IMMP2L: variants seen among roughly 807,000 people sequenced by gnomAD.
IMMP2L encodes mitochondrial inner membrane protease subunit 2.
A neutral mutation model predicts 19.3 loss-of-function variants in IMMP2L; 18 were observed. The ratio of observed to expected loss-of-function variants is 0.93; its 90% CI spans 0.64 to 1.38. IMMP2L has a LOEUF of 1.38. Among genes scored for constraint, IMMP2L ranks in the 40% most tolerant of loss-of-function variants. IMMP2L has a pLI of 0.00. For synonymous variants in IMMP2L, 76 were observed against 73.0 expected, an observed-to-expected ratio of 1.04 and a Z score of -0.21; for missense variants, 233 against 218.2, an observed-to-expected ratio of 1.07 and a Z score of -0.43.
At chr7:111,543,013 G>C (rs778978523) in intron 1 of IMMP2L, among the ~76,000 whole-genome samples, 4 of 152,030 alleles carry the variant, frequency 2.6e-5, no homozygotes, top group African/African-American at 4.8e-5. Flanking sequence ...CACTCGACTA[G>C]AAACTAAAGC....
chr7:111,189,419 G>T (rs557151406), intron 3 of IMMP2L, among the ~76,000 whole-genome samples: 1 of 149,746 alleles, frequency 6.7e-6, no homozygotes, highest in Non-Finnish European at 1.5e-5. Context: ...AAAGAAATTA[G>T]CTTGACATTA....
intron 1 of IMMP2L, among the ~76,000 whole-genome samples, chr7:111,540,563 G>A (rs1470235951): frequency 6.6e-6 from 1 of 152,020 alleles, no homozygotes; most frequent in Non-Finnish European, 1.5e-5. Context: ...AACCCACAAG[G>A]CCCTCTTCCA....
At chr7:110,810,465 T>C (rs1314500421) in intron 5 of IMMP2L, among the ~76,000 whole-genome samples, 2 of 152,070 alleles carry the variant, frequency 1.3e-5, no homozygotes, top group Non-Finnish European at 2.9e-5. Flanking sequence ...ATGTCAGTTA[T>C]TAAACAGCCT....
Position 111,487,318 on chromosome 7 carries a change from G to T in IMMP2L, c.159C>A (p.Ser53Arg), listed in dbSNP as rs1297813750. 4 of 1,605,946 alleles carry T rather than the reference G, an allele frequency of 2.5e-6. No individual in the cohort carries two copies. The East Asian group carries it at 8.9e-5, about 36-fold the overall frequency. Residue 53 changes from serine to arginine, a missense_variant, in exon 3 of 6, where the codon AGC (serine) becomes AGA (arginine). Transcript: ENST00000405709. The part of the protein sequence containing the change: ...SMQPSLNPGG[S>R]QSSDVVLLNH... ...TCAAAAGCACCACATCAGATGACTGGCTCCCCCCAGGATTCAAAGAAGGCT... is the reference window on the plus strand; with the variant it reads ...TCAAAAGCACCACATCAGATGACTGTCTCCCCCCAGGATTCAAAGAAGGCT...
intron 3 of IMMP2L, among the ~76,000 whole-genome samples, chr7:111,147,683 T>C (rs1318511026): frequency 6.6e-6 from 1 of 152,092 alleles, no homozygotes; most frequent in African/African-American, 2.4e-5. Context: ...TAGCCCTCCA[T>C]AGACAGACTG....
intron 4 of IMMP2L, among the ~76,000 whole-genome samples, chr7:110,916,455 T>C (rs1292060091): frequency 6.6e-6 from 1 of 152,208 alleles, no homozygotes; most frequent in Non-Finnish European, 1.5e-5. Flanking sequence ...TACTATTATA[T>C]AAAAGTGGTG....
chr7:110,923,012 C>G (rs1814464599), intron 4 of IMMP2L, among the ~76,000 whole-genome samples: 1 of 152,148 alleles, frequency 6.6e-6, no homozygotes, highest in South Asian at 2.1e-4. Context: ...TGTAAAGAAA[C>G]AAGCCTATGG....
chr7:111,360,149 T>A (rs1829122985), intron 3 of IMMP2L, among the ~76,000 whole-genome samples: 1 of 150,280 alleles, frequency 6.7e-6, no homozygotes. Flanking sequence ...CATAATGTCA[T>A]TACAAATCCA....
At chr7:111,033,206 A>C (rs1218257241) in intron 3 of IMMP2L, among the ~76,000 whole-genome samples, 2 of 152,234 alleles carry the variant, frequency 1.3e-5, no homozygotes, top group Non-Finnish European at 2.9e-5. Context: ...AAATGAATAC[A>C]TATGACAAGT....
At chr7:110,725,041 T>C (rs1795803953) in intron 5 of IMMP2L, among the ~76,000 whole-genome samples, 1 of 152,186 alleles carries the variant, frequency 6.6e-6, no homozygotes, top group African/African-American at 2.4e-5. Flanking sequence ...GATAGACAGA[T>C]AAAATGAAGC....
intron 3 of IMMP2L, among the ~76,000 whole-genome samples, chr7:111,444,433 C>G (rs1369369488): frequency 6.6e-6 from 1 of 152,050 alleles, no homozygotes; most frequent in Non-Finnish European, 1.5e-5. Context: ...CCATAATTTT[C>G]TTATCTATAA....
intron 3 of IMMP2L, among the ~76,000 whole-genome samples, chr7:111,382,505 TC>T (rs1446592811): frequency 3.9e-5 from 6 of 152,012 alleles, no homozygotes; most frequent in Non-Finnish European, 4.4e-5. Context: ...AACAACTGTT[TC>T]TAAAATCTTA....
In IMMP2L at chr7:110,712,068, TGGA is replaced by T. The variant is rs1252494488; in HGVS notation, c.409-48350_409-48348del. On this transcript the variant is annotated intron_variant, in intron 5 of 5. Transcript: ENST00000405709. ...TTGCTGGTGAGGAACTGCGTTCCTT[TGGA>T]GGAGGAGAGGCGCTCTGCGTTTTAG... is the stretch of plus-strand genomic sequence containing the variant. Among the ~76,000 whole-genome samples, 2 of 46,966 alleles carry T rather than the reference TGGA, an allele frequency of 4.3e-5. 1 individual carries two copies. The highest frequency in any genetic ancestry group is 1.2e-4 in the African/African-American group (2 of 16,430). The allele number at this position is 46,966 out of a possible 152,430, so 30.8% of individuals were successfully genotyped here. A position where few individuals can be genotyped will look rare whatever the true frequency, so the allele number is the denominator to read the frequency against.
chr7:111,208,577 G>A (rs1810970226), intron 3 of IMMP2L, among the ~76,000 whole-genome samples: 1 of 152,128 alleles, frequency 6.6e-6, no homozygotes. Flanking sequence ...ACAAAGGATG[G>A]AGAAGAACTA....
chr7:111,044,864 T>G (rs1278270595), intron 3 of IMMP2L, among the ~76,000 whole-genome samples: 1 of 152,178 alleles, frequency 6.6e-6, no homozygotes, highest in Non-Finnish European at 1.5e-5. Context: ...AGTTGACAAC[T>G]CTGGAGACTA....
At chr7:110,965,996 A>T (rs902020467) in intron 3 of IMMP2L, among the ~76,000 whole-genome samples, 1 of 152,026 alleles carries the variant, frequency 6.6e-6, no homozygotes, top group Non-Finnish European at 1.5e-5. Flanking sequence ...ATGGATAGTT[A>T]AAGCATTACT....
At chr7:111,561,445 G>A (rs1792036278) in intron 1 of IMMP2L, among the ~76,000 whole-genome samples, 3 of 151,478 alleles carry the variant, frequency 2.0e-5, no homozygotes, top group Non-Finnish European at 4.4e-5. Context: ...AACATCCCTA[G>A]GGGGGTTACT....
intron 3 of IMMP2L, among the ~76,000 whole-genome samples, chr7:111,454,039 T>C (rs945758860): frequency 2.0e-4 from 31 of 152,180 alleles, no homozygotes; most frequent in African/African-American, 7.2e-4. Flanking sequence ...CTTCATGCAT[T>C]CATATATTTA....
At chr7:111,221,026 T>G (rs1000705404) in intron 3 of IMMP2L, among the ~76,000 whole-genome samples, 2 of 152,014 alleles carry the variant, frequency 1.3e-5, no homozygotes, top group African/African-American at 2.4e-5. Context: ...AGAAACACCT[T>G]CACAGAAACA....
Sources: allele counts gnomAD v4.1 joint callset (sites outside exome capture counted in the v4.1 genomes callset), GRCh38; gene constraint gnomAD v4.1.1; transcripts MANE v1.5; gene names NCBI Gene and HGNC (gene_info 2026-07-23, HGNC 2026-07-21).